The following PCDH15 variants were observed in gnomAD, a reference collection of about 807,000 sequenced individuals.
PCDH15 encodes protocadherin related 15, also known as protocadherin-15.
A neutral mutation model predicts 178.5 loss-of-function variants in PCDH15; 129 were observed. The observed-to-expected ratio is 0.72, with a 90% CI of 0.63 to 0.84. The LOEUF (loss-of-function observed/expected upper bound fraction) is 0.84. PCDH15 is among the 40% of genes least tolerant of loss of function. PCDH15 has a pLI of 0.00. For synonymous variants in PCDH15, 800 were observed against 732.0 expected, an observed-to-expected ratio of 1.09 and a Z score of -1.50; for missense variants, 2,230 against 2,099.9, an observed-to-expected ratio of 1.06 and a Z score of -1.21.
chr10:54,703,468 A>G (rs2095334262), intron 1 of PCDH15, among the ~76,000 whole-genome samples: 1 of 152,114 alleles, frequency 6.6e-6, no homozygotes, highest in Non-Finnish European at 1.5e-5. Flanking sequence ...ATGATTCTAT[A>G]TGTAGGAAAC....
intron 25 of PCDH15, among the ~76,000 whole-genome samples, chr10:53,913,471 C>A (rs183873234): frequency 6.6e-6 from 1 of 151,874 alleles, no homozygotes; most frequent in Non-Finnish European, 1.5e-5. Context: ...CGGTGGCTCA[C>A]ACCTGTAATC....
upstream of PCDH15, among the ~76,000 whole-genome samples, chr10:54,804,927 T>TTATATATATATATATA (rs71014419): frequency 0.034 from 1,739 of 50,708 alleles, 287 homozygotes; most frequent in African/African-American, 0.086. Flanking sequence ...TCATAGTAGA[T>TTATATATATATATATA]TATATATATA....
intron 2 of PCDH15, among the ~76,000 whole-genome samples, chr10:55,453,404 G>T (rs964992406): frequency 2.6e-5 from 4 of 152,134 alleles, no homozygotes; most frequent in Non-Finnish European, 5.9e-5. Context: ...TGACAGAAAA[G>T]ATGCTGAGTA....
chr10:54,124,343 TG>T (rs2041814567), intron 15 of PCDH15, among the ~76,000 whole-genome samples: 2 of 152,030 alleles, frequency 1.3e-5, no homozygotes, highest in Non-Finnish European at 2.9e-5. Flanking sequence ...GGCTGGTGTT[TG>T]GGGAGTTAGT....
chr10:54,692,581 A>G (rs1188619039), intron 1 of PCDH15, among the ~76,000 whole-genome samples: 1 of 151,020 alleles, frequency 6.6e-6, no homozygotes, highest in African/African-American at 2.4e-5. Flanking sequence ...AGAGTTCACA[A>G]ATAAAAATCG....
chr10:55,011,743 C>G (rs1840051888), intron 2 of PCDH15, among the ~76,000 whole-genome samples: 1 of 151,392 alleles, frequency 6.6e-6, no homozygotes, highest in African/African-American at 2.4e-5. Flanking sequence ...AGTGGAAAGA[C>G]AGAATGCAAT....
At chr10:54,599,838 A>G (rs754779898) in intron 2 of PCDH15, 2 of 627,082 alleles carry the variant, frequency 3.2e-6, no homozygotes, top group Non-Finnish European at 5.8e-6. Context: ...GTGAGCAGAA[A>G]GAAGGAGAAA....
At chr10:54,959,341 A>C (rs1838582443) in intron 2 of PCDH15, among the ~76,000 whole-genome samples, 1 of 151,960 alleles carries the variant, frequency 6.6e-6, no homozygotes, top group African/African-American at 2.4e-5. Context: ...ACACAGAAGA[A>C]TGCCAAGTAA....
chr10:54,191,946 A>C (rs1184640338), intron 11 of PCDH15, among the ~76,000 whole-genome samples: 1 of 148,492 alleles, frequency 6.7e-6, no homozygotes, highest in Admixed American at 6.8e-5. Flanking sequence ...GGGAAAGAAA[A>C]AAAAGAAAAG....
At chr10:54,701,143 A>C (rs574249599) in intron 1 of PCDH15, among the ~76,000 whole-genome samples, 1 of 152,228 alleles carries the variant, frequency 6.6e-6, no homozygotes, top group South Asian at 2.1e-4. Flanking sequence ...GAGGAAATAC[A>C]ATAACCTTAA....
rs59756150 is a variant in PCDH15, at chr10:54,383,985, ATTTTTTTTTTTT to A, written c.158-5055_158-5044del. ...AGGCACCTGCCACCACAAACAGTTA[ATTTTTTTTTTTT>A]TTTTTTTTTTTTTTTTAGTGGAGAT... On this transcript the variant is annotated intron_variant, in intron 3 of 37. Transcript: ENST00000644397. Among the ~76,000 whole-genome samples the A allele has an allele frequency of 3.6e-3, 461 of 129,136 alleles. 2 individuals carry two copies. The highest frequency in any genetic ancestry group is 4.3e-3 in the Admixed American group (54 of 12,642). The allele number at this position is 129,136 out of a possible 152,430, so 84.7% of individuals were successfully genotyped here. A position where few individuals can be genotyped will look rare whatever the true frequency, so the allele number is the denominator to read the frequency against.
At chr10:54,678,990 A>T (rs2094844495) in intron 1 of PCDH15, among the ~76,000 whole-genome samples, 1 of 151,950 alleles carries the variant, frequency 6.6e-6, no homozygotes, top group African/African-American at 2.4e-5. Context: ...GGAGATCGAG[A>T]CCATCTTGGC....
At chr10:54,102,354 G>A (rs2094828558) in intron 15 of PCDH15, among the ~76,000 whole-genome samples, 1 of 152,202 alleles carries the variant, frequency 6.6e-6, no homozygotes, top group South Asian at 2.1e-4. Flanking sequence ...TGGAGAAAAA[G>A]GCATTTGCCA....
chr10:54,610,775 A>G (rs189509268), intron 2 of PCDH15, among the ~76,000 whole-genome samples: 18 of 152,006 alleles, frequency 1.2e-4, no homozygotes, highest in African/African-American at 4.3e-4. Flanking sequence ...TCTGAAGATA[A>G]GTTGGTTTAA....
chr10:54,919,942 A>T (rs886381769), intron 2 of PCDH15, among the ~76,000 whole-genome samples: 1 of 152,008 alleles, frequency 6.6e-6, no homozygotes, highest in African/African-American at 2.4e-5. Context: ...GCTTCTTGTC[A>T]TCACTGGGAC....
chr10:55,480,598 G>A (rs1840159217), intron 2 of PCDH15, among the ~76,000 whole-genome samples: 1 of 151,530 alleles, frequency 6.6e-6, no homozygotes, highest in South Asian at 2.1e-4. Context: ...CCATGTGTTT[G>A]TTTTCTATAG....
chr10:54,005,855 TC>T (rs2092367046), intron 20 of PCDH15, among the ~76,000 whole-genome samples: 1 of 152,008 alleles, frequency 6.6e-6, no homozygotes, highest in Admixed American at 6.6e-5. Context: ...ATATCTGCAC[TC>T]CCATGTTTAT....
intron 6 of PCDH15, among the ~76,000 whole-genome samples, chr10:54,337,258 T>C (rs1405970947): frequency 1.3e-5 from 2 of 152,028 alleles, no homozygotes; most frequent in Non-Finnish European, 2.9e-5. Context: ...GAGTTAATGA[T>C]GAAATGAGTT....
At chr10:54,486,482 A>G (rs557295244) in intron 3 of PCDH15, among the ~76,000 whole-genome samples, 1 of 152,168 alleles carries the variant, frequency 6.6e-6, no homozygotes, top group South Asian at 2.1e-4. Flanking sequence ...ATTTACATAC[A>G]GTTATATTAA....
Sources: allele counts gnomAD v4.1 joint callset (sites outside exome capture counted in the v4.1 genomes callset), GRCh38; gene constraint gnomAD v4.1.1; transcripts MANE v1.5; gene names NCBI Gene and HGNC (gene_info 2026-07-23, HGNC 2026-07-21).